The following TMCO5A variants were observed in gnomAD, a reference collection of about 807,000 sequenced individuals.
TMCO5A encodes transmembrane and coiled-coil domains 5A.
In TMCO5A, 34 loss-of-function variants were observed where a neutral mutation model predicts 42.3. The ratio of observed to expected loss-of-function variants is 0.80; its 90% CI spans 0.61 to 1.07. TMCO5A has a LOEUF of 1.07. Ranked by LOEUF, TMCO5A falls within the 50% of genes least tolerant of loss-of-function variation. The pLI is 0.00. For missense variants in TMCO5A, 357 were observed against 327.9 expected, an observed-to-expected ratio of 1.09 and a Z score of -0.69; for synonymous variants, 131 against 115.6, an observed-to-expected ratio of 1.13 and a Z score of -0.86.
At chr15:37,943,463 A>G in intron 10 of TMCO5A, 65 bp downstream of exon 10, 1 of 1,530,894 alleles carries the variant, frequency 6.5e-7, no homozygotes, top group Non-Finnish European at 9.0e-7. Flanking sequence ...ATCTCCAGCA[A>G]ACTATAAGGC....
the TMCO5A span, among the ~76,000 whole-genome samples, chr15:37,986,398 T>TGTGTGTGTGG: frequency 6.6e-6 from 1 of 150,572 alleles, no homozygotes; most frequent in Non-Finnish European, 1.5e-5. Flanking sequence ...TGTGTGTGTG[T>TGTGTGTGTGG]GTGTGTGTGT....
the TMCO5A span, among the ~76,000 whole-genome samples, chr15:38,034,426 G>A: frequency 9.1e-4 from 139 of 152,318 alleles, 4 homozygotes; most frequent in East Asian, 0.023. Context: ...GGGACATTGA[G>A]TGAGCACAGA....
At chr15:38,036,625 G>C in the TMCO5A span, among the ~76,000 whole-genome samples, 1 of 151,860 alleles carries the variant, frequency 6.6e-6, no homozygotes, top group African/African-American at 2.4e-5. Flanking sequence ...TGTTTCTCAG[G>C]CTAGAAATTA....
At chr15:37,999,175 G>A in the TMCO5A span, among the ~76,000 whole-genome samples, 3 of 152,142 alleles carry the variant, frequency 2.0e-5, no homozygotes, top group African/African-American at 7.2e-5. Context: ...CAAAGTGCTG[G>A]GATTACAGGC....
chr15:37,987,792 G>A, the TMCO5A span, among the ~76,000 whole-genome samples: 1 of 151,826 alleles, frequency 6.6e-6, no homozygotes, highest in Non-Finnish European at 1.5e-5. Flanking sequence ...TTGAAATCAG[G>A]AAGTATAAGC....
chr15:37,996,125 A>G, the TMCO5A span, among the ~76,000 whole-genome samples: 1 of 152,172 alleles, frequency 6.6e-6, no homozygotes, highest in Non-Finnish European at 1.5e-5. Context: ...GTTCTTTTCA[A>G]CTCACTGATT....
At chr15:37,950,161 A>G (rs906124554) in intron 11 of TMCO5A, among the ~76,000 whole-genome samples, 2 of 152,312 alleles carry the variant, frequency 1.3e-5, no homozygotes, top group Non-Finnish European at 1.5e-5. Flanking sequence ...TTTAGAAGTA[A>G]GTTATTAAAT....
intron 11 of TMCO5A, among the ~76,000 whole-genome samples, chr15:37,956,977 C>T (rs1890307647): frequency 6.6e-6 from 1 of 152,044 alleles, no homozygotes; most frequent in Non-Finnish European, 1.5e-5. Context: ...TAAACAGAAC[C>T]AATGACAAAA....
At chr15:38,010,470 GT>G in the TMCO5A span, among the ~76,000 whole-genome samples, 1 of 130,708 alleles carries the variant, frequency 7.7e-6, no homozygotes, top group Non-Finnish European at 1.7e-5. Context: ...AAGGGGCCAT[GT>G]GAAGATGGGG....
the TMCO5A span, among the ~76,000 whole-genome samples, chr15:38,036,423 C>G: frequency 6.6e-6 from 1 of 151,986 alleles, no homozygotes; most frequent in African/African-American, 2.4e-5. Flanking sequence ...ACATCCTTCT[C>G]TCTCTTTCCA....
chr15:37,986,947 A>G, the TMCO5A span, among the ~76,000 whole-genome samples: 4 of 152,146 alleles, frequency 2.6e-5, no homozygotes, highest in South Asian at 8.3e-4. Flanking sequence ...GAAACACATG[A>G]TAATTCTATT....
At chr15:37,970,418 C>T (rs1371579452), downstream of TMCO5A, among the ~76,000 whole-genome samples, 2 of 152,192 alleles carry the variant, frequency 1.3e-5, no homozygotes, top group East Asian at 1.9e-4. Flanking sequence ...CACCAGGTCC[C>T]TCCCACAATA....
At chr15:37,948,018 G>T (rs1890023642) in intron 11 of TMCO5A, among the ~76,000 whole-genome samples, 1 of 152,120 alleles carries the variant, frequency 6.6e-6, no homozygotes, top group African/African-American at 2.4e-5. Context: ...TAACAATTTG[G>T]ATTAGCTTGA....
chr15:38,007,638 G>A, the TMCO5A span, among the ~76,000 whole-genome samples: 4 of 152,184 alleles, frequency 2.6e-5, no homozygotes, highest in South Asian at 4.1e-4. Flanking sequence ...AAAAATAAGA[G>A]ACACAAATGA....
chr15:38,003,721 T>C, the TMCO5A span, among the ~76,000 whole-genome samples: 1 of 152,106 alleles, frequency 6.6e-6, no homozygotes, highest in Non-Finnish European at 1.5e-5. Context: ...ACCACCATGT[T>C]CACTCAAGGC....
chr15:37,971,021 T>C (rs1890663950), downstream of TMCO5A, among the ~76,000 whole-genome samples: 1 of 152,176 alleles, frequency 6.6e-6, no homozygotes, highest in South Asian at 2.1e-4. Flanking sequence ...GTTGCCCACT[T>C]CTCACAGCTC....
chr15:37,974,732 A>G, the TMCO5A span, among the ~76,000 whole-genome samples: 1 of 151,852 alleles, frequency 6.6e-6, no homozygotes, highest in East Asian at 1.9e-4. Flanking sequence ...GGTTTTTCAC[A>G]TCTCATTTTC....
the TMCO5A span, among the ~76,000 whole-genome samples, chr15:37,973,824 T>C: frequency 1.3e-5 from 2 of 152,202 alleles, no homozygotes; most frequent in Non-Finnish European, 2.9e-5. Context: ...GTGGTGAAAG[T>C]GGGCATCCTT....
In TMCO5A at chr15:37,936,468, G is replaced by GTAT; in HGVS notation, c.140+8_140+10dup. On this transcript the variant is annotated splice_donor_region_variant and intron_variant, in intron 3 of 11. Transcript: ENST00000319669. The stretch of plus-strand genomic sequence containing the variant: ...GAGGGAAGATAAGATTCAGAGGTGA[G>GTAT]TATTAAGGTTTCATGAGGGAAGTTC... 2 of 1,606,286 alleles carry GTAT rather than the reference G, an allele frequency of 1.2e-6. No homozygotes were observed. Among genetic ancestry groups the GTAT allele is most frequent in the Non-Finnish European group, 1.7e-6 (2 of 1,177,834 alleles).
Sources: allele counts gnomAD v4.1 joint callset (sites outside exome capture counted in the v4.1 genomes callset), GRCh38; gene constraint gnomAD v4.1.1; transcripts MANE v1.5; gene names NCBI Gene and HGNC (gene_info 2026-07-23, HGNC 2026-07-21).